Variants in SLC24A4 observed in about 807,000 individuals in gnomAD.
The protein encoded by SLC24A4 is sodium/potassium/calcium exchanger 4.
SLC24A4 carries 53 observed loss-of-function variants against 79.0 expected under a neutral mutation model. The observed-to-expected ratio is 0.67, with a 90% CI of 0.54 to 0.84. The LOEUF (loss-of-function observed/expected upper bound fraction) is 0.84, where lower values mean the gene tolerates loss of function less well. Among genes scored for constraint, SLC24A4 ranks in the 40% least tolerant of loss-of-function variants. The pLI is 0.00. For missense variants in SLC24A4, 731 were observed against 822.0 expected (o/e 0.89, Z 1.35); for synonymous variants, 323 against 323.8 (o/e 1.00, Z 0.03).
At chr14:92,354,980 A>G (rs911472253) in intron 2 of SLC24A4, among the ~76,000 whole-genome samples, 18 of 152,188 alleles carry the variant, frequency 1.2e-4, no homozygotes, top group Admixed American at 2.6e-4. Context: ...AGGCTGAGGC[A>G]GGAGAATCGC....
chr14:92,446,552 CA>C (rs1051280172), intron 8 of SLC24A4, among the ~76,000 whole-genome samples: 8 of 152,194 alleles, frequency 5.3e-5, no homozygotes, highest in African/African-American at 1.9e-4. Context: ...TCCTGGCCCC[CA>C]ATCTGCTGTG....
chr14:92,407,211 G>T (rs1890437002), intron 2 of SLC24A4, among the ~76,000 whole-genome samples: 1 of 152,186 alleles, frequency 6.6e-6, no homozygotes, highest in South Asian at 2.1e-4. Context: ...CCAGTTCCCA[G>T]TAAGTTCCTC....
intron 12 of SLC24A4, among the ~76,000 whole-genome samples, chr14:92,471,722 G>A (rs186673593): frequency 1.2e-3 from 182 of 152,226 alleles, no homozygotes; most frequent in Non-Finnish European, 1.9e-3. Context: ...TACCCACCCA[G>A]ACGTCAAGGA....
At chr14:92,324,049 T>A in intron 1 of SLC24A4, 89 bp downstream of exon 1, 1 of 1,504,810 alleles carries the variant, frequency 6.6e-7, no homozygotes, top group East Asian at 2.5e-5. Context: ...TTTCCCCTCC[T>A]TCCTCATCAG....
intron 12 of SLC24A4, among the ~76,000 whole-genome samples, chr14:92,460,016 G>A (rs1305517471): frequency 6.6e-6 from 1 of 152,158 alleles, no homozygotes; most frequent in Admixed American, 6.5e-5. Flanking sequence ...CACAGGACCA[G>A]GGGAGGAATC....
intron 2 of SLC24A4, 130 bp downstream of exon 2, chr14:92,326,108 A>G (rs1885113467): frequency 8.2e-6 from 5 of 611,104 alleles, no homozygotes; most frequent in Non-Finnish European, 1.1e-5. Context: ...AAGGGTGGCC[A>G]TGAGGTATTG....
upstream of SLC24A4, among the ~76,000 whole-genome samples, chr14:92,323,011 G>T (rs1000009832): frequency 6.6e-6 from 1 of 151,838 alleles, no homozygotes; most frequent in Non-Finnish European, 1.5e-5. The surrounding 1 kb of genome is among the most constrained non-coding windows in gnomAD (Gnocchi z 4.9). Context: ...GATTATATTG[G>T]TCAGTAGAGG....
At chr14:92,491,568 C>A in intron 14 of SLC24A4, 97 bp from the exon 15 acceptor site, 1 of 840,792 alleles carries the variant, frequency 1.2e-6, no homozygotes, top group Non-Finnish European at 2.0e-6. Context: ...GAAGGAATTG[C>A]TTTCCAAGGA....
chr14:92,354,712 A>G (rs1159370721), intron 2 of SLC24A4, among the ~76,000 whole-genome samples: 1 of 152,126 alleles, frequency 6.6e-6, no homozygotes, highest in Admixed American at 6.5e-5. Flanking sequence ...TGCACTTCTA[A>G]CAAGCTCCCA....
rs1258883576 is a variant in SLC24A4, at chr14:92,491,673, G to A, written c.1546G>A (p.Asp516Asn). The A allele has an allele frequency of 1.2e-6, 2 of 1,612,954 alleles. No individual in the cohort carries two copies. Among genetic ancestry groups the A allele is most frequent in the Non-Finnish European group, 8.5e-7 (1 of 1,179,044 alleles). ...SLIVARQGLGDMAVSNTIGSN... is the reference protein window; with the variant it reads ...SLIVARQGLGNMAVSNTIGSN... ...GTTGTTGTCCCCTGCAGGCCTTGGG[G>A]ACATGGCAGTCTCCAACACCATAGG... Residue 516 changes from aspartate to asparagine, a missense_variant, in exon 15 of 17, where the codon GAC (aspartate) becomes AAC (asparagine). Transcript: ENST00000532405.
At chr14:92,451,616 A>G (rs1209815663) in intron 10 of SLC24A4, 2 of 152,258 alleles carry the variant, frequency 1.3e-5, no homozygotes, top group African/African-American at 2.4e-5. Flanking sequence ...TGGGTTTCCC[A>G]TAGAAAACCC....
intron 16 of SLC24A4, chr14:92,492,742 A>G (rs1895755923): frequency 2.4e-6 from 1 of 411,788 alleles, no homozygotes. Context: ...TAACTTTCCC[A>G]AGGTCACAGA....
chr14:92,378,655 T>C (rs561102044), intron 2 of SLC24A4, among the ~76,000 whole-genome samples: 2 of 152,382 alleles, frequency 1.3e-5, no homozygotes, highest in African/African-American at 4.8e-5. Context: ...CCACTGTGCA[T>C]TTCATTTTCA....
At chr14:92,412,119 T>G (rs1890750288) in intron 2 of SLC24A4, among the ~76,000 whole-genome samples, 1 of 152,152 alleles carries the variant, frequency 6.6e-6, no homozygotes, top group African/African-American at 2.4e-5. Flanking sequence ...TGTACAAGCC[T>G]GCACTTTACC....
chr14:92,409,752 C>T (rs1031517053), intron 2 of SLC24A4, among the ~76,000 whole-genome samples: 14 of 152,090 alleles, frequency 9.2e-5, no homozygotes, highest in East Asian at 5.8e-4. Context: ...TTTATTGCAG[C>T]GCTATTCACA....
At position 92,417,280 on chromosome 14, in the gene SLC24A4, G is replaced by C. The variant is rs539832757; in HGVS notation, c.242-16632G>C. On this transcript the variant is annotated intron_variant, in intron 2 of 16. Coordinates refer to ENST00000532405, the MANE Select transcript of SLC24A4 (RefSeq NM_153646.4). ...TCTTGCTAGTCCTGACCCTCTGTAG[G>C]TCTAGGCTAATGTGTGTGCTCATGT... Among the ~76,000 whole-genome samples the C allele has an allele frequency of 7.9e-5, 12 of 152,204 alleles. No individual in the cohort carries two copies. In the South Asian group the frequency reaches 2.5e-3, roughly 32 times the overall value.
At chr14:92,401,331 A>G (rs1013246023) in intron 2 of SLC24A4, among the ~76,000 whole-genome samples, 5 of 152,176 alleles carry the variant, frequency 3.3e-5, no homozygotes, top group Non-Finnish European at 7.3e-5. Flanking sequence ...CAAACCATAG[A>G]CATTGTTTAT....
intron 2 of SLC24A4, among the ~76,000 whole-genome samples, chr14:92,362,219 C>CCTAGACT (rs373826597): frequency 0.9 from 136,436 of 151,916 alleles, 63,057 homozygotes; most frequent in East Asian, 1. Context: ...CTCTCAGGTC[C>CCTAGACT]CTGTCCCTGT....
chr14:92,340,636 G>C (rs1834942835), intron 2 of SLC24A4, among the ~76,000 whole-genome samples: 1 of 152,086 alleles, frequency 6.6e-6, no homozygotes, highest in Non-Finnish European at 1.5e-5. Flanking sequence ...GAGTGGGAAA[G>C]ATTCCTTTCC....
Sources: allele counts gnomAD v4.1 joint callset (sites outside exome capture counted in the v4.1 genomes callset), GRCh38; gene constraint gnomAD v4.1.1; non-coding constraint Gnocchi (gnomAD v3.1); transcripts MANE v1.5; gene names NCBI Gene and HGNC (gene_info 2026-07-23, HGNC 2026-07-21).